RPS20: variants seen among roughly 807,000 people sequenced by gnomAD.
RPS20 encodes small ribosomal subunit protein uS10.
Under a neutral mutation model 15.3 loss-of-function variants are expected in RPS20, and 3 were observed. That is an observed-to-expected ratio of 0.20 (90% CI 0.09 to 0.51). The LOEUF is 0.51. Among genes scored for constraint, RPS20 ranks in the 20% least tolerant of loss-of-function variants. The probability of loss-of-function intolerance (pLI) is 0.96; values close to 1 mark genes in which losing one functional copy is unlikely to be tolerated. For missense variants in RPS20, 67 were observed against 145.9 expected (o/e 0.46, Z 2.79); for synonymous variants, 62 against 47.8 (o/e 1.30, Z -1.23).
chr8:56,072,902 A>G (rs1235115805), downstream of RPS20: 5 of 1,349,120 alleles, frequency 3.7e-6, no homozygotes, highest in Middle Eastern at 2.9e-4. Context: ...TATGTAGTTA[A>G]CGGAATCCAG....
At chr8:56,068,807 C>CTTTTTTTTTTTTTTTTTTTT (rs61576194), downstream of RPS20, among the ~76,000 whole-genome samples, 5 of 27,692 alleles carry the variant, frequency 1.8e-4, 2 homozygotes, top group African/African-American at 3.4e-4. Context: ...GTGAAAATAT[C>CTTTTTTTTTTTTTTTTTTTT]TTTTTTTTTT....
At chr8:56,071,664 C>T (rs748303644), downstream of RPS20, among the ~76,000 whole-genome samples, 5 of 152,162 alleles carry the variant, frequency 3.3e-5, no homozygotes, top group Non-Finnish European at 7.3e-5. Flanking sequence ...TCATTTTAGA[C>T]ACATTAGCTT....
At chr8:56,073,923 T>C in intron 2 of RPS20, 137 bp downstream of exon 2, 3 of 1,103,596 alleles carry the variant, frequency 2.7e-6, no homozygotes, top group South Asian at 2.5e-5. Flanking sequence ...GTAAAAGCAA[T>C]TTTAAGCCAC....
At chr8:56,070,779 ATGG>A (rs1809731908), downstream of RPS20, among the ~76,000 whole-genome samples, 3 of 151,986 alleles carry the variant, frequency 2.0e-5, no homozygotes, top group South Asian at 4.2e-4. Context: ...ATGAACAGCC[ATGG>A]TGGTTTCTGT....
downstream of RPS20, among the ~76,000 whole-genome samples, chr8:56,070,482 C>A (rs1352398089): frequency 6.6e-6 from 1 of 152,080 alleles, no homozygotes; most frequent in African/African-American, 2.4e-5. Context: ...TTGCCTATAA[C>A]CCTAGCACTA....
In RPS20 at chr8:56,073,909, G is replaced by A. The variant is rs765725568; in HGVS notation, c.104-141C>T. ...GGTACCTCCTCATCGCCAGCTGTAT[G>A]ACAGTAAAAGCAATTTTAAGCCACG... On this transcript the variant is annotated intron_variant, in intron 2 of 3. Transcript: ENST00000009589. The A allele has an allele frequency of 5.5e-5, 59 of 1,075,540 alleles. No homozygotes were observed. In the Admixed American group the frequency reaches 6.2e-4, roughly 11 times the overall value. The allele number at this position is 1,075,540 out of a possible 1,614,324, so 66.6% of individuals were successfully genotyped here.
At chr8:56,071,755 C>T (rs181281004), downstream of RPS20, among the ~76,000 whole-genome samples, 354 of 152,254 alleles carry the variant, frequency 2.3e-3, 3 homozygotes, top group African/African-American at 7.6e-3. Context: ...GAAAAGATAG[C>T]AGAGTTCAGC....
At chr8:56,069,462 C>A (rs748473137), downstream of RPS20, among the ~76,000 whole-genome samples, 5 of 152,054 alleles carry the variant, frequency 3.3e-5, no homozygotes, top group Non-Finnish European at 5.9e-5. Context: ...CCACACCTGG[C>A]TAATTTTTGT....
At chr8:56,073,561 C>T (rs1219015300) in intron 3 of RPS20, 134 bp downstream of exon 3, 11 of 764,384 alleles carry the variant, frequency 1.4e-5, no homozygotes, top group Non-Finnish European at 2.6e-5. Context: ...GAACCGCAAT[C>T]TACCACCGAT....
At chr8:56,069,112 TAGC>T (rs1296309164), downstream of RPS20, among the ~76,000 whole-genome samples, 3 of 152,134 alleles carry the variant, frequency 2.0e-5, 1 homozygote, top group African/African-American at 7.2e-5. Context: ...AGTAAATAAA[TAGC>T]AGTTTACAGA....
At chr8:56,073,334 G>A (rs898077873) in intron 3 of RPS20, 62 bp from the exon 4 acceptor site, 3 of 1,040,948 alleles carry the variant, frequency 2.9e-6, no homozygotes, top group African/African-American at 3.2e-5. Context: ...TAGAACATCT[G>A]GAAAATCATT....
downstream of RPS20, among the ~76,000 whole-genome samples, chr8:56,071,728 C>T (rs1178022969): frequency 6.6e-6 from 1 of 152,144 alleles, no homozygotes; most frequent in Non-Finnish European, 1.5e-5. Context: ...ACAGAAATCT[C>T]AACTGAAGGT....
At chr8:56,072,956 C>T, downstream of RPS20, 3 of 1,431,974 alleles carry the variant, frequency 2.1e-6, no homozygotes, top group Non-Finnish European at 2.7e-6. Flanking sequence ...ATAGACCACT[C>T]TAAGATACCC....
Position 56,074,480 on chromosome 8 carries a change from C to A in RPS20, c.-97G>T, listed in dbSNP as rs556450758. ...AGCGTGCGGACCAAAAATCCTCAGC[C>A]CTTACGACCGCGTCTTCCTCAAAAA... is the stretch of plus-strand genomic sequence containing the variant. On this transcript the variant is annotated 5_prime_UTR_variant, in exon 1 of 4. Coordinates refer to ENST00000009589, the MANE Select transcript of RPS20 (RefSeq NM_001023.4). The A allele has an allele frequency of 4.4e-5, 59 of 1,351,558 alleles. No individual in the cohort carries two copies. The highest frequency in any genetic ancestry group is 2.5e-4 in the Middle Eastern group (1 of 4,042). 83.7% of individuals were successfully genotyped at this position (1,351,558 alleles called of 1,614,324 possible).
At chr8:56,070,459 G>T (rs1279160293), downstream of RPS20, among the ~76,000 whole-genome samples, 1 of 152,128 alleles carries the variant, frequency 6.6e-6, no homozygotes, top group African/African-American at 2.4e-5. Context: ...ATCCAGTCTG[G>T]GTATAGTGGC....
chr8:56,069,050 G>A (rs939098510), downstream of RPS20, among the ~76,000 whole-genome samples: 3 of 139,694 alleles, frequency 2.1e-5, no homozygotes, highest in African/African-American at 9.9e-5. Context: ...CATGGGGTGA[G>A]TTCTTTTTAA....
At chr8:56,071,905 T>C (rs1809770982), downstream of RPS20, among the ~76,000 whole-genome samples, 1 of 152,224 alleles carries the variant, frequency 6.6e-6, no homozygotes, top group South Asian at 2.1e-4. Flanking sequence ...CTATAGAAAC[T>C]TTCCCCAATA....
At position 56,073,117 on chromosome 8, in the gene RPS20, C is replaced by T. The variant is rs752579707; in HGVS notation, c.333G>A (p.Glu111=). Reference sequence around the variant, plus strand: ...AAGCATCTGCAATGGTGACTTCCACCTCAACTCCTGGCTCAATACTGATGG... The same window carrying T: ...AAGCATCTGCAATGGTGACTTCCACTTCAACTCCTGGCTCAATACTGATGG... ...ITSISIEPGV[E]VEVTIADA The change falls in exon 4 of 4, where the codon GAG becomes GAA. Residue 111 remains glutamate (E), a synonymous_variant. Coordinates refer to ENST00000009589, the MANE Select transcript of RPS20 (RefSeq NM_001023.4). 22 of 1,596,932 alleles carry T rather than the reference C, an allele frequency of 1.4e-5. No individual in the cohort carries two copies. In the East Asian group the frequency reaches 2.7e-4, roughly 19 times the overall value.
At position 56,073,768 on chromosome 8, in the gene RPS20, A is replaced by C; in HGVS notation, c.104T>G (p.Val35Gly). The part of the protein sequence containing the change: ...TSRNVKSLEK[V>G]CADLIRGAKE... ...TGCGCCTCTTATCAAGTCAGCACAC[A>C]CTACAGGAAATAAAAGACCTCTCAG... The change falls in exon 3 of 4, where the codon GTG (valine) becomes GGG (glycine). Residue 35 changes from valine to glycine, a missense_variant and splice_region_variant. By Grantham distance (109) the Val-to-Gly change is moderately radical. Coordinates refer to ENST00000009589, the MANE Select transcript of RPS20 (RefSeq NM_001023.4). 1 of 1,613,956 alleles carries C rather than the reference A, an allele frequency of 6.2e-7. No homozygotes were observed. The highest frequency in any genetic ancestry group is 8.5e-7 in the Non-Finnish European group (1 of 1,179,810).
Sources: allele counts gnomAD v4.1 joint callset (sites outside exome capture counted in the v4.1 genomes callset), GRCh38; gene constraint gnomAD v4.1.1; transcripts MANE v1.5; gene names NCBI Gene and HGNC (gene_info 2026-07-23, HGNC 2026-07-21).